PLD1: variants seen among roughly 807,000 people sequenced by gnomAD.
The protein encoded by PLD1 is choline phosphatase 1.
A neutral mutation model predicts 137.1 loss-of-function variants in PLD1; 112 were observed. That is an observed-to-expected ratio of 0.82 (90% confidence interval 0.70 to 0.96). PLD1 has a LOEUF of 0.96. Ranked by LOEUF, PLD1 falls within the 40% of genes least tolerant of loss-of-function variation. The pLI, the probability that PLD1 is intolerant of heterozygous loss-of-function variation, is 0.00. For missense variants in PLD1, 1,321 were observed against 1,342.0 expected (o/e 0.98, Z 0.24); for synonymous variants, 431 against 454.7 (o/e 0.95, Z 0.66).
In PLD1 at chr3:171,686,712, C is replaced by A; in HGVS notation, c.1840G>T (p.Glu614Ter). 1 of 1,600,136 alleles carries A rather than the reference C, an allele frequency of 6.2e-7. No homozygotes were observed. The highest frequency in any genetic ancestry group is 1.1e-5 in the South Asian group (1 of 90,754). ...GCATGAGGTCTAGTGAGTCCTTGCT[C>A]AGACTCACTGGACGGGTGAAAGAGT... ...FKLFHPSSES[E>*]QGLTRPHADT... The change falls in exon 16 of 27, where the codon GAG becomes TAG. Residue 614 changes from glutamate to a stop codon, truncating the protein, a stop_gained. Coordinates refer to ENST00000351298, the MANE Select transcript of PLD1 (RefSeq NM_002662.5). LOFTEE classifies it high-confidence loss of function.
chr3:171,792,806 C>T (rs1346965784), intron 1 of PLD1: 11 of 432,706 alleles, frequency 2.5e-5, no homozygotes, highest in Non-Finnish European at 5.1e-5. Context: ...CAAGTCCTGG[C>T]ATGTGACTCC....
intron 21 of PLD1, among the ~76,000 whole-genome samples, chr3:171,652,412 CAA>C (rs1200348368): frequency 2.9e-4 from 17 of 58,816 alleles, no homozygotes; most frequent in South Asian, 6.8e-4. Context: ...GACTCCTTCT[CAA>C]AAAAAAAAAA....
At chr3:171,704,457 G>GAAA (rs1362665761) in intron 11 of PLD1, among the ~76,000 whole-genome samples, 63 of 98,156 alleles carry the variant, frequency 6.4e-4, no homozygotes, top group African/African-American at 2.8e-3. Context: ...CAAAGAACCA[G>GAAA]GAAAAAAAAA....
chr3:171,767,956 G>GT (rs1317790480), intron 1 of PLD1, among the ~76,000 whole-genome samples: 1 of 66,456 alleles, frequency 1.5e-5, no homozygotes, highest in South Asian at 4.6e-4. Context: ...AAAAAAGAGA[G>GT]GGGGGCTGGG....
rs1353356289 is a variant in PLD1, at chr3:171,708,777, C to T, written c.1123G>A (p.Glu375Lys). The change falls in exon 11 of 27, where the codon GAG becomes AAG. Residue 375 changes from glutamate to lysine, a missense_variant. Coordinates refer to ENST00000351298, the MANE Select transcript of PLD1 (RefSeq NM_002662.5). ...VANAMEEANEEIFITDWWLSP... is the reference protein window; with the variant it reads ...VANAMEEANEKIFITDWWLSP... ...AACCACCAGTCTGTGATAAAAATCT[C>T]TTCATTTGCCTCTTCCATTGCATTT... 3 of 1,600,500 alleles carry T rather than the reference C, an allele frequency of 1.9e-6. No individual in the cohort carries two copies. The highest frequency in any genetic ancestry group is 1.3e-5 in the African/African-American group (1 of 74,778).
At chr3:171,670,300 G>A (rs149872037) in intron 19 of PLD1, among the ~76,000 whole-genome samples, 1 of 152,336 alleles carries the variant, frequency 6.6e-6, no homozygotes, top group Non-Finnish European at 1.5e-5. Context: ...CAAACACATA[G>A]AAATAACAGA....
intron 21 of PLD1, among the ~76,000 whole-genome samples, chr3:171,647,339 A>G (rs1051989370): frequency 2.0e-5 from 3 of 152,288 alleles, no homozygotes; most frequent in East Asian, 3.9e-4. Context: ...TAAAGTGTAT[A>G]TAATATATTA....
chr3:171,647,873 C>T (rs1736398633), intron 21 of PLD1, among the ~76,000 whole-genome samples: 1 of 151,502 alleles, frequency 6.6e-6, no homozygotes, highest in African/African-American at 2.4e-5. Context: ...GTCATAACTA[C>T]CCTGTTTTTC....
intron 1 of PLD1, among the ~76,000 whole-genome samples, chr3:171,776,477 C>G (rs1722594674): frequency 6.6e-6 from 1 of 152,224 alleles, no homozygotes; most frequent in South Asian, 2.1e-4. Context: ...AATATTTCAG[C>G]TCTTTAATTT....
chr3:171,610,736 T>C (rs1288236827), intron 25 of PLD1, among the ~76,000 whole-genome samples: 2 of 152,358 alleles, frequency 1.3e-5, no homozygotes, highest in Middle Eastern at 3.4e-3. Flanking sequence ...AATTTTTAAA[T>C]TCTCCTCTGC....
intron 14 of PLD1, 27 bp downstream of exon 14, chr3:171,688,649 A>T (rs777175197): frequency 6.5e-7 from 1 of 1,531,864 alleles, no homozygotes; most frequent in Non-Finnish European, 9.1e-7. Context: ...CGTGTTATAC[A>T]TTTCCATAAA....
chr3:171,700,670 T>C (rs772576287), intron 11 of PLD1, among the ~76,000 whole-genome samples: 2 of 152,206 alleles, frequency 1.3e-5, no homozygotes, highest in Non-Finnish European at 2.9e-5. Context: ...CACAGACACA[T>C]GACTTCCTAT....
intron 23 of PLD1, among the ~76,000 whole-genome samples, chr3:171,620,742 C>CTCTCTATATATATATATA (rs1473647659): frequency 1.1e-5 from 1 of 94,794 alleles, no homozygotes; most frequent in African/African-American, 4.3e-5. Flanking sequence ...CTCTCTCTCT[C>CTCTCTATATATATATATA]TATATATATA....
intron 18 of PLD1, among the ~76,000 whole-genome samples, chr3:171,675,849 T>A (rs995248805): frequency 9.2e-5 from 14 of 151,774 alleles, no homozygotes; most frequent in Non-Finnish European, 1.9e-4. Context: ...TGTACTTTTT[T>A]TTTTTTTTTT....
intron 16 of PLD1, among the ~76,000 whole-genome samples, chr3:171,680,463 T>C (rs2108492354): frequency 6.6e-6 from 1 of 152,180 alleles, no homozygotes; most frequent in East Asian, 1.9e-4. Context: ...CTCGAACTCC[T>C]GACCTCGTGA....
At chr3:171,663,562 G>C (rs1023919430) in intron 19 of PLD1, among the ~76,000 whole-genome samples, 1 of 152,176 alleles carries the variant, frequency 6.6e-6, no homozygotes, top group African/African-American at 2.4e-5. Flanking sequence ...GCTGTGGCAG[G>C]TCATGTCAGG....
intron 1 of PLD1, chr3:171,792,954 A>T (rs73176191): frequency 0.12 from 35,660 of 303,898 alleles, 2,354 homozygotes; most frequent in Middle Eastern, 0.19. Context: ...CTCAAAACAC[A>T]TGTGAGACAA....
Position 171,618,741 on chromosome 3 carries a change from T to A in PLD1, c.2728+1645A>T, listed in dbSNP as rs976268823. ...GTGTATGTGTGTGTGTGTGTGTGTG[T>A]GTGTGTGTGTGTGTGTATCTCACCA... On this transcript the variant is annotated intron_variant, in intron 24 of 26. Coordinates refer to ENST00000351298, the MANE Select transcript of PLD1 (RefSeq NM_002662.5). 4.4e-4 allele frequency among the ~76,000 whole-genome samples: 67 copies of A among 151,696 alleles called. 1 individual carries two copies. The highest frequency in any genetic ancestry group is 2.7e-4 in the Non-Finnish European group (18 of 67,874).
At chr3:171,779,344 T>A (rs560726144) in intron 1 of PLD1, among the ~76,000 whole-genome samples, 1 of 152,210 alleles carries the variant, frequency 6.6e-6, no homozygotes, top group Admixed American at 6.5e-5. Context: ...TTATCTGATG[T>A]GGGTCGTGAT....
Sources: allele counts gnomAD v4.1 joint callset (sites outside exome capture counted in the v4.1 genomes callset), GRCh38; gene constraint gnomAD v4.1.1; transcripts MANE v1.5; gene names NCBI Gene and HGNC (gene_info 2026-07-23, HGNC 2026-07-21).